Variants in SAMD3 observed in about 807,000 individuals in gnomAD.
SAMD3 encodes sterile alpha motif domain containing 3.
In SAMD3, 63 loss-of-function variants were observed where a neutral mutation model predicts 58.5. That is an observed-to-expected ratio of 1.08 (90% CI 0.88 to 1.33). SAMD3 has a LOEUF of 1.33. Among genes scored for constraint, SAMD3 ranks in the 40% most tolerant of loss-of-function variants. The pLI is 0.00. For synonymous variants in SAMD3, 220 were observed against 210.3 expected, an observed-to-expected ratio of 1.05 and a Z score of -0.40; for missense variants, 604 against 608.4, an observed-to-expected ratio of 0.99 and a Z score of 0.08.
chr6:130,239,755 A>G (rs1278006752), intron 2 of SAMD3, among the ~76,000 whole-genome samples: 2 of 152,114 alleles, frequency 1.3e-5, no homozygotes. Context: ...GTTGGTTTCC[A>G]TTTTGAGGGG....
intron 1 of SAMD3, among the ~76,000 whole-genome samples, chr6:130,221,223 A>G (rs1305455848): frequency 6.6e-6 from 1 of 152,240 alleles, no homozygotes; most frequent in Admixed American, 6.5e-5. Flanking sequence ...ATAATGCCTC[A>G]TAACACCTAC....
chr6:130,274,257 T>A (rs1457865931), intron 2 of SAMD3, among the ~76,000 whole-genome samples: 3 of 152,174 alleles, frequency 2.0e-5, no homozygotes, highest in African/African-American at 7.2e-5. Context: ...CTGATAGTCT[T>A]ATGGAGACTC....
chr6:130,307,637 T>C (rs763810003), intron 2 of SAMD3, among the ~76,000 whole-genome samples: 26 of 152,218 alleles, frequency 1.7e-4, no homozygotes, highest in Non-Finnish European at 3.7e-4. Flanking sequence ...ATAACTATGA[T>C]CCTCAGTTCA....
chr6:130,183,613 G>A (rs1792626743), intron 7 of SAMD3: 1 of 325,316 alleles, frequency 3.1e-6, no homozygotes, highest in Non-Finnish European at 6.0e-6. Flanking sequence ...AAAGCGAACA[G>A]CTCAATTTTA....
At chr6:130,289,506 T>TAC in intron 2 of SAMD3, among the ~76,000 whole-genome samples, 1 of 149,106 alleles carries the variant, frequency 6.7e-6, no homozygotes, top group Non-Finnish European at 1.5e-5. Flanking sequence ...AAAATATATA[T>TAC]AGAGAGAGAG....
At chr6:130,176,946 C>A (rs112966505) in intron 7 of SAMD3, among the ~76,000 whole-genome samples, 1 of 152,078 alleles carries the variant, frequency 6.6e-6, no homozygotes, top group Non-Finnish European at 1.5e-5. Context: ...CAATCATCAA[C>A]GGCCATGGTC....
At chr6:130,232,075 T>C (rs1582983938) in intron 2 of SAMD3, among the ~76,000 whole-genome samples, 1 of 152,160 alleles carries the variant, frequency 6.6e-6, no homozygotes. Flanking sequence ...ACATTACAGA[T>C]AGACAGTTCC....
chr6:130,297,818 A>G (rs1413414635), intron 2 of SAMD3, among the ~76,000 whole-genome samples: 1 of 152,222 alleles, frequency 6.6e-6, no homozygotes, highest in Admixed American at 6.5e-5. Context: ...GAATTCACCC[A>G]GTCAGACAAA....
intron 2 of SAMD3, among the ~76,000 whole-genome samples, chr6:130,259,359 C>T (rs1268996973): frequency 2.0e-5 from 3 of 152,152 alleles, no homozygotes; most frequent in Non-Finnish European, 4.4e-5. Context: ...GCAGTGATCA[C>T]ATGGTGAGAG....
chr6:130,183,323 C>T (rs373471476), intron 7 of SAMD3: 294 of 423,344 alleles, frequency 6.9e-4, no homozygotes, highest in African/African-American at 4.3e-3. Flanking sequence ...AGTGAGAGAG[C>T]GAGACTCCGT....
At chr6:130,214,254 G>T in intron 4 of SAMD3, 83 bp downstream of exon 4, 2 of 1,143,128 alleles carry the variant, frequency 1.7e-6, no homozygotes, top group Non-Finnish European at 2.4e-6. Flanking sequence ...GTTTTCCAAG[G>T]GCTTTAAACC....
chr6:130,334,140 T>C (rs1234450283), intron 1 of SAMD3, among the ~76,000 whole-genome samples: 3 of 152,138 alleles, frequency 2.0e-5, no homozygotes, highest in African/African-American at 7.2e-5. Flanking sequence ...AAGAATATTC[T>C]CTGATTTCAA....
intron 2 of SAMD3, among the ~76,000 whole-genome samples, chr6:130,265,506 T>C (rs11154545): frequency 0.31 from 47,316 of 152,090 alleles, 7,748 homozygotes; most frequent in East Asian, 0.47. Context: ...GGGCTGTTCC[T>C]AGTGTATACA....
At chr6:130,149,410 C>A (rs1788932720) in intron 9 of SAMD3, among the ~76,000 whole-genome samples, 1 of 152,180 alleles carries the variant, frequency 6.6e-6, no homozygotes, top group Admixed American at 6.5e-5. Flanking sequence ...AAGACGCATG[C>A]ACACATATAT....
intron 8 of SAMD3, among the ~76,000 whole-genome samples, chr6:130,170,533 T>C (rs1277796903): frequency 6.6e-6 from 1 of 152,238 alleles, no homozygotes; most frequent in African/African-American, 2.4e-5. Context: ...TAAATTACTT[T>C]AGGCAGTATG....
intron 2 of SAMD3, among the ~76,000 whole-genome samples, chr6:130,244,537 C>T (rs1229118212): frequency 2.0e-5 from 3 of 151,946 alleles, no homozygotes; most frequent in African/African-American, 7.3e-5. Flanking sequence ...CTCAGGAGTT[C>T]GAGATCAGCC....
At chr6:130,352,126 A>G (rs956380445) in intron 1 of SAMD3, among the ~76,000 whole-genome samples, 3 of 152,052 alleles carry the variant, frequency 2.0e-5, no homozygotes, top group African/African-American at 7.2e-5. Context: ...TGACGAGTTA[A>G]TGGGTGCAGC....
Position 130,165,288 on chromosome 6 carries a change from A to G in SAMD3, c.823-10263T>C, listed in dbSNP as rs549199471. Among the ~76,000 whole-genome samples the G allele has an allele frequency of 5.3e-5, 8 of 152,316 alleles. 1 individual carries two copies. In the South Asian group the frequency reaches 1.2e-3, roughly 24 times the overall value. On this transcript the variant is annotated intron_variant, in intron 8 of 11. Transcript: ENST00000439090. Reference sequence around the variant, plus strand: ...AAAGCAAAACAGAAACCAAATGTAGATTAAACTAACTGACAAAGATAAAAT... The same window carrying G: ...AAAGCAAAACAGAAACCAAATGTAGGTTAAACTAACTGACAAAGATAAAAT...
At chr6:130,211,741 C>G (rs954190699) in intron 4 of SAMD3, among the ~76,000 whole-genome samples, 2 of 151,988 alleles carry the variant, frequency 1.3e-5, no homozygotes, top group South Asian at 2.1e-4. Flanking sequence ...ACATTGGGCA[C>G]ATGTCATCAG....
Sources: allele counts gnomAD v4.1 joint callset (sites outside exome capture counted in the v4.1 genomes callset), GRCh38; gene constraint gnomAD v4.1.1; transcripts MANE v1.5; gene names NCBI Gene and HGNC (gene_info 2026-07-23, HGNC 2026-07-21).